IQCH: variants seen among roughly 807,000 people sequenced by gnomAD.
IQCH encodes IQ domain-containing protein H.
In IQCH, 98 loss-of-function variants were observed where a neutral mutation model predicts 117.0. The observed-to-expected ratio is 0.84, with a 90% CI of 0.71 to 0.99. The LOEUF is 0.99. IQCH is among the 50% of genes least tolerant of loss of function. The pLI is 0.00. For missense variants in IQCH, 1,102 were observed against 1,243.8 expected (o/e 0.89, Z 1.72); for synonymous variants, 412 against 448.2 (o/e 0.92, Z 1.02).
intron 10 of IQCH, among the ~76,000 whole-genome samples, chr15:67,377,832 G>A (rs917777742): frequency 6.6e-6 from 1 of 151,780 alleles, no homozygotes; most frequent in Non-Finnish European, 1.5e-5. Flanking sequence ...CAATTGACTT[G>A]ATGACTAAAA....
In IQCH at chr15:67,496,752, C is replaced by G. The variant is rs2083823357; in HGVS notation, c.2970+2386C>G. Among the ~76,000 whole-genome samples the G allele has an allele frequency of 6.6e-6, 1 of 152,096 alleles. No individual in the cohort carries two copies. Among genetic ancestry groups the G allele is most frequent in the South Asian group, 2.1e-4 (1 of 4,814 alleles). On this transcript the variant is annotated intron_variant, in intron 20 of 20. Coordinates refer to ENST00000335894, the MANE Select transcript of IQCH (RefSeq NM_001031715.3). The surrounding 1 kb of genome is among the most constrained non-coding windows in gnomAD (Gnocchi z 4.4). Reference sequence around the variant, plus strand: ...TAAAAGTATCGGCCGGGCACGGTGGCTCACGCCTGTAATCCCAGCACTTTG... The same window carrying G: ...TAAAAGTATCGGCCGGGCACGGTGGGTCACGCCTGTAATCCCAGCACTTTG...
intron 4 of IQCH, chr15:67,307,161 T>A (rs1478132164): frequency 8.8e-6 from 9 of 1,021,314 alleles, no homozygotes; most frequent in Non-Finnish European, 9.5e-6. Flanking sequence ...TGTGAGTTGC[T>A]GTAGAATTAT....
intron 18 of IQCH, among the ~76,000 whole-genome samples, chr15:67,489,005 A>G (rs1410752799): frequency 6.6e-6 from 1 of 151,816 alleles, no homozygotes. Flanking sequence ...TATTTTCCAC[A>G]TAACAAATTG....
chr15:67,489,379 G>A (rs560464714), intron 18 of IQCH, among the ~76,000 whole-genome samples: 3 of 152,098 alleles, frequency 2.0e-5, no homozygotes, highest in African/African-American at 4.8e-5. Flanking sequence ...AGGCTGGAGT[G>A]CAATGGCGTG....
At chr15:67,303,214 T>A in intron 4 of IQCH, among the ~76,000 whole-genome samples, 1 of 152,186 alleles carries the variant, frequency 6.6e-6, no homozygotes, top group Non-Finnish European at 1.5e-5. Context: ...ACTCCATTTT[T>A]ATGAAATGTC....
chr15:67,288,960 CTAAGA>C (rs1157206554), intron 4 of IQCH, among the ~76,000 whole-genome samples: 1 of 152,018 alleles, frequency 6.6e-6, no homozygotes, highest in Non-Finnish European at 1.5e-5. Flanking sequence ...TCTCAGCCAG[CTAAGA>C]TGAGAGAGGA....
chr15:67,396,688 C>G (rs1258378207), intron 13 of IQCH, among the ~76,000 whole-genome samples: 1 of 152,178 alleles, frequency 6.6e-6, no homozygotes, highest in Non-Finnish European at 1.5e-5. Context: ...GTTGGGAAAC[C>G]AGAGAACAGT....
chr15:67,353,549 A>G (rs1041065713), intron 6 of IQCH, among the ~76,000 whole-genome samples: 4 of 151,852 alleles, frequency 2.6e-5, no homozygotes, highest in Admixed American at 1.3e-4. Context: ...TAGTAGAGAG[A>G]GGGTTTCACC....
In IQCH at chr15:67,384,326, T is replaced by A. The variant is rs555897717; in HGVS notation, c.1373-610T>A. Among the ~76,000 whole-genome samples the A allele has an allele frequency of 3.5e-4, 53 of 152,294 alleles. No homozygotes were observed. The highest frequency in any genetic ancestry group is 1.3e-3 in the African/African-American group (52 of 41,568). ...AATTCATATGTGTTTTCCCTTCTGC[T>A]ACGTTTCCAGTGGAAATGAAGGCAA... is the stretch of plus-strand genomic sequence containing the variant. On this transcript the variant is annotated intron_variant, in intron 10 of 20. Transcript: ENST00000335894. The surrounding 1 kb of genome is among the most constrained non-coding windows in gnomAD (Gnocchi z 4.3).
chr15:67,284,670 GTTC>G (rs886203909), intron 4 of IQCH, among the ~76,000 whole-genome samples: 4 of 151,994 alleles, frequency 2.6e-5, no homozygotes, highest in African/African-American at 9.7e-5. Flanking sequence ...GTGTCCATGT[GTTC>G]TTATCACTTA....
chr15:67,299,363 C>G (rs1966911302), intron 4 of IQCH, among the ~76,000 whole-genome samples: 1 of 151,906 alleles, frequency 6.6e-6, no homozygotes, highest in South Asian at 2.1e-4. Context: ...TATATCACAA[C>G]AAGGTGACGC....
Position 67,395,581 on chromosome 15 carries a change from G to A in IQCH, c.1905+18G>A. On this transcript the variant is annotated intron_variant, in intron 13 of 20. Coordinates refer to ENST00000335894, the MANE Select transcript of IQCH (RefSeq NM_001031715.3). This position sits in a 1 kb window ranked among gnomAD's most constrained non-coding sequence, Gnocchi z 4.0. ...AGCAACAGGTATGTGGGGTGGACAA[G>A]TGAAGCTCTGTTCAAATATTTGAAA... The A allele has an allele frequency of 6.2e-7, 1 of 1,608,322 alleles. No homozygotes were observed. Among genetic ancestry groups the A allele is most frequent in the Non-Finnish European group, 8.5e-7 (1 of 1,176,060 alleles).
chr15:67,357,680 T>G (rs1236831201), intron 7 of IQCH, among the ~76,000 whole-genome samples: 1 of 152,222 alleles, frequency 6.6e-6, no homozygotes, highest in Non-Finnish European at 1.5e-5. Flanking sequence ...CAGCCTCTAA[T>G]ACTAACTGGT....
In IQCH at chr15:67,369,565, G is replaced by A. The variant is rs1970453391; in HGVS notation, c.754-2546G>A. ...GGGAGGGAGGAAGGAAGAAAAGGAA[G>A]GAGGGAGGAAAGAAGGCAGAGGAAA... On this transcript the variant is annotated intron_variant, in intron 8 of 20. Coordinates refer to ENST00000335894, the MANE Select transcript of IQCH (RefSeq NM_001031715.3). The surrounding 1 kb of genome is among the most constrained non-coding windows in gnomAD (Gnocchi z 5.2). Among the ~76,000 whole-genome samples the A allele has an allele frequency of 6.6e-6, 1 of 151,600 alleles. No individual in the cohort carries two copies. Among genetic ancestry groups the A allele is most frequent in the Non-Finnish European group, 1.5e-5 (1 of 67,892 alleles).
chr15:67,281,318 A>C (rs1421999821), intron 4 of IQCH, among the ~76,000 whole-genome samples: 1 of 152,210 alleles, frequency 6.6e-6, no homozygotes, highest in Non-Finnish European at 1.5e-5. Flanking sequence ...TAATTAGGAG[A>C]AAAGGCATAC....
intron 10 of IQCH, among the ~76,000 whole-genome samples, chr15:67,379,007 TAAC>T (rs746197386): frequency 2.0e-5 from 3 of 152,170 alleles, no homozygotes; most frequent in Non-Finnish European, 2.9e-5. Context: ...TCTTTTAAAA[TAAC>T]AATAATAAGC....
Position 67,432,999 on chromosome 15 carries a change from A to G in IQCH, c.2505+11422A>G, listed in dbSNP as rs2082049872. On this transcript the variant is annotated intron_variant, in intron 16 of 20. Transcript: ENST00000335894. The surrounding 1 kb of genome is among the most constrained non-coding windows in gnomAD (Gnocchi z 5.0). The stretch of plus-strand genomic sequence containing the variant: ...TCTCTTTAGGGAAAGTATTTTATTT[A>G]TATGGAAGAAGGCTAACAGAGTATA... Among the ~76,000 whole-genome samples, 2 of 152,232 alleles carry G rather than the reference A, an allele frequency of 1.3e-5. No homozygotes were observed. The highest frequency in any genetic ancestry group is 2.9e-5 in the Non-Finnish European group (2 of 68,034).
intron 6 of IQCH, 125 bp downstream of exon 6, chr15:67,344,316 T>G: frequency 1.5e-6 from 1 of 682,476 alleles, no homozygotes; most frequent in Non-Finnish European, 2.4e-6. Context: ...GTAATCATCC[T>G]GAGTTTCACT....
Position 67,493,686 on chromosome 15 carries a change from T to G in IQCH, c.2862-572T>G, listed in dbSNP as rs1277576897. ...TTTTTTTAATTATTATACTTTAAGTTATAGGGTACATGTGCACAACGTGCA... is the reference window on the plus strand; with the variant it reads ...TTTTTTTAATTATTATACTTTAAGTGATAGGGTACATGTGCACAACGTGCA... On this transcript the variant is annotated intron_variant, in intron 19 of 20. Coordinates refer to ENST00000335894, the MANE Select transcript of IQCH (RefSeq NM_001031715.3). This position sits in a 1 kb window ranked among gnomAD's most constrained non-coding sequence, Gnocchi z 5.1. 6.6e-6 allele frequency among the ~76,000 whole-genome samples: 1 copy of G among 152,226 alleles called. No homozygotes were observed. Among genetic ancestry groups the G allele is most frequent in the Non-Finnish European group, 1.5e-5 (1 of 68,044 alleles).
Sources: gnomAD v4.1 joint callset for allele counts (sites outside exome capture counted in the v4.1 genomes callset) on GRCh38, gnomAD v4.1.1 for gene constraint, Gnocchi (gnomAD v3.1) non-coding constraint, MANE v1.5 for transcripts, NCBI Gene and HGNC (gene_info 2026-07-23, HGNC 2026-07-21) for gene names.